Variants in LRRC75A observed in about 807,000 individuals in gnomAD.
LRRC75A encodes the protein leucine rich repeat containing 75A, also known as leucine-rich repeat-containing protein 75A.
LRRC75A carries 12 observed loss-of-function variants against 26.0 expected under a neutral mutation model. That is an observed-to-expected ratio of 0.46 (90% CI 0.30 to 0.75). LRRC75A has a LOEUF of 0.75. Ranked by LOEUF, LRRC75A falls within the 30% of genes least tolerant of loss-of-function variation. The pLI is 0.08. For synonymous variants in LRRC75A, 223 were observed against 219.3 expected (o/e 1.02, Z -0.15); for missense variants, 410 against 486.6 (o/e 0.84, Z 1.48).
At chr17:16,468,368 T>C (rs1466944984) in intron 1 of LRRC75A, among the ~76,000 whole-genome samples, 1 of 152,200 alleles carries the variant, frequency 6.6e-6, no homozygotes, top group Non-Finnish European at 1.5e-5. Context: ...CGAAATATTA[T>C]TCAGCCTTAA....
chr17:16,451,941 G>A (rs147662717), intron 2 of LRRC75A, among the ~76,000 whole-genome samples: 1 of 147,726 alleles, frequency 6.8e-6, no homozygotes, highest in Admixed American at 6.8e-5. Flanking sequence ...GAGACGGGGG[G>A]TCTCACTGTG....
At chr17:16,451,479 G>A (rs2093629881) in intron 2 of LRRC75A, among the ~76,000 whole-genome samples, 1 of 151,964 alleles carries the variant, frequency 6.6e-6, no homozygotes, top group Non-Finnish European at 1.5e-5. Flanking sequence ...AAATTAGCTG[G>A]GCGTGACGGC....
chr17:16,471,705 A>C (rs542996069), intron 1 of LRRC75A, among the ~76,000 whole-genome samples: 1 of 152,366 alleles, frequency 6.6e-6, no homozygotes, highest in South Asian at 2.1e-4. Context: ...TCAACATGGG[A>C]AAGAACCTTT....
chr17:16,453,820 G>GT (rs2143016998), intron 2 of LRRC75A, among the ~76,000 whole-genome samples: 1 of 152,186 alleles, frequency 6.6e-6, no homozygotes, highest in Admixed American at 6.5e-5. Context: ...CTCCCCCAGA[G>GT]TGAGTCAGAG....
intron 2 of LRRC75A, chr17:16,461,328 C>G (rs956430657): frequency 6.6e-6 from 1 of 152,318 alleles, no homozygotes; most frequent in Non-Finnish European, 1.5e-5. Flanking sequence ...TCGTCCTGCT[C>G]TGGTTTCCTG....
intron 2 of LRRC75A, among the ~76,000 whole-genome samples, chr17:16,458,166 T>G (rs2093699405): frequency 6.6e-6 from 1 of 151,792 alleles, no homozygotes; most frequent in South Asian, 2.1e-4. Context: ...ATTAGCCAGT[T>G]GTGGTGGCAG....
intron 1 of LRRC75A, among the ~76,000 whole-genome samples, chr17:16,487,133 T>C (rs2093848733): frequency 6.6e-6 from 1 of 152,198 alleles, no homozygotes; most frequent in Non-Finnish European, 1.5e-5. Flanking sequence ...AAGAGCCACA[T>C]GGATCTCTGA....
intron 2 of LRRC75A, among the ~76,000 whole-genome samples, chr17:16,458,792 CCTT>C (rs1037448723): frequency 1.2e-4 from 19 of 152,106 alleles, no homozygotes; most frequent in Admixed American, 1.1e-3. Flanking sequence ...TTCTGTTAAG[CCTT>C]CTGACACCTG....
chr17:16,481,867 G>C (rs2093834852), intron 1 of LRRC75A, among the ~76,000 whole-genome samples: 1 of 152,192 alleles, frequency 6.6e-6, no homozygotes. Context: ...CTCCCCAGGA[G>C]CACCTGCAGC....
chr17:16,449,191 C>T (rs930915927), intron 2 of LRRC75A, among the ~76,000 whole-genome samples: 2 of 152,208 alleles, frequency 1.3e-5, no homozygotes, highest in African/African-American at 4.8e-5. Flanking sequence ...TAACCACGCA[C>T]AGTGCTCAGC....
intron 1 of LRRC75A, among the ~76,000 whole-genome samples, chr17:16,480,643 CA>C (rs60509458): frequency 1.5e-4 from 20 of 135,952 alleles, no homozygotes; most frequent in Admixed American, 5.2e-4. Context: ...AAAAAAAAAA[CA>C]AAAAAAAAAA....
chr17:16,491,150 G>A lies in LRRC75A; in HGVS notation c.246+595C>T, dbSNP rs937594255. Among the ~76,000 whole-genome samples, 1 of 152,222 alleles carries A rather than the reference G, an allele frequency of 6.6e-6. No homozygotes were observed. Among genetic ancestry groups the A allele is most frequent in the Non-Finnish European group, 1.5e-5 (1 of 68,038 alleles). ...CAAATCCAGCTCCCCTGTCTCTACCGCTTTCCGCAGGGGCTCATGGTTGAG... is the reference window on the plus strand; with the variant it reads ...CAAATCCAGCTCCCCTGTCTCTACCACTTTCCGCAGGGGCTCATGGTTGAG... On this transcript the variant is annotated intron_variant, in intron 1 of 3. Coordinates refer to ENST00000470794, the MANE Select transcript of LRRC75A (RefSeq NM_001113567.3). This position sits in a 1 kb window ranked among gnomAD's most constrained non-coding sequence, Gnocchi z 5.9.
chr17:16,443,777 C>T lies in LRRC75A; in HGVS notation c.846G>A (p.Leu282=), dbSNP rs772811232. The T allele has an allele frequency of 1.9e-6, 3 of 1,613,784 alleles. No homozygotes were observed. Among genetic ancestry groups the T allele is most frequent in the Admixed American group, 1.7e-5 (1 of 60,014 alleles). Residue 282 remains leucine (L), a synonymous_variant, in exon 4 of 4, where the codon CTG becomes CTA. Transcript: ENST00000470794. ...VDIFSLPQPF[L]LSLRKRSPKQ... ...TTGGGGAGCGCTTGCGCAGGCTGAG[C>T]AGGAAGGGCTGGGGCAAGGAGAAGA...
rs1302638168 is a variant in LRRC75A at position 16,492,099 on chromosome 17, G to T, written c.-109C>A. On this transcript the variant is annotated 5_prime_UTR_variant, in exon 1 of 4. Coordinates refer to ENST00000470794, the MANE Select transcript of LRRC75A (RefSeq NM_001113567.3). ...CGCTCGCCTCCCGGGCTGCAACTTT[G>T]GGGGAACTGTTGCGCGCGGGCGTCG... 2.0e-6 allele frequency: 2 copies of T among 982,936 alleles called. No individual in the cohort carries two copies. The highest frequency in any genetic ancestry group is 2.4e-6 in the Non-Finnish European group (2 of 818,378). 60.9% of individuals were successfully genotyped at this position (982,936 alleles called of 1,614,324 possible). A position where few individuals can be genotyped will look rare whatever the true frequency, so the allele number is the denominator to read the frequency against.
At chr17:16,450,834 G>A (rs2093625485) in intron 2 of LRRC75A, among the ~76,000 whole-genome samples, 1 of 152,170 alleles carries the variant, frequency 6.6e-6, no homozygotes, top group South Asian at 2.1e-4. Context: ...AGGGGACAGA[G>A]GCCACACAGC....
chr17:16,451,839 G>T (rs957067132), intron 2 of LRRC75A, among the ~76,000 whole-genome samples: 2 of 150,906 alleles, frequency 1.3e-5, no homozygotes, highest in Non-Finnish European at 3.0e-5. Context: ...CCGCCTCCCG[G>T]GTTCACGCCA....
At chr17:16,479,580 C>T (rs982173517) in intron 1 of LRRC75A, among the ~76,000 whole-genome samples, 3 of 152,216 alleles carry the variant, frequency 2.0e-5, no homozygotes, top group African/African-American at 7.2e-5. Context: ...AGCCACATTC[C>T]ACCTCAGTGA....
intron 3 of LRRC75A, among the ~76,000 whole-genome samples, chr17:16,445,797 G>A (rs2093579416): frequency 6.6e-6 from 1 of 152,232 alleles, no homozygotes; most frequent in Non-Finnish European, 1.5e-5. Flanking sequence ...TTCCACCAGG[G>A]AAGCAGTGTG....
At chr17:16,445,286 C>T (rs2143009477) in intron 3 of LRRC75A, among the ~76,000 whole-genome samples, 1 of 150,478 alleles carries the variant, frequency 6.6e-6, no homozygotes, top group East Asian at 2.0e-4. Context: ...CTGCCTCAGC[C>T]TCCCGAGTAG....
Sources: allele counts gnomAD v4.1 joint callset (sites outside exome capture counted in the v4.1 genomes callset), GRCh38; gene constraint gnomAD v4.1.1; non-coding constraint Gnocchi (gnomAD v3.1); transcripts MANE v1.5; gene names NCBI Gene and HGNC (gene_info 2026-07-23, HGNC 2026-07-21).